The following VRK2 variants were observed in gnomAD, a reference collection of about 807,000 sequenced individuals.
VRK2 encodes the protein VRK serine/threonine kinase 2, also known as serine/threonine-protein kinase VRK2.
Under a neutral mutation model 57.6 loss-of-function variants are expected in VRK2, and 60 were observed. That is an observed-to-expected ratio of 1.04 (90% confidence interval 0.85 to 1.29). VRK2 has a LOEUF of 1.29. Ranked by LOEUF, VRK2 falls within the 50% of genes most tolerant of loss-of-function variation. The pLI is 0.00. For missense variants in VRK2, 705 were observed against 588.1 expected, an observed-to-expected ratio of 1.20 and a Z score of -2.06; for synonymous variants, 231 against 199.2, an observed-to-expected ratio of 1.16 and a Z score of -1.35.
At chr2:58,083,436 C>G (rs1388111132) in intron 2 of VRK2, among the ~76,000 whole-genome samples, 1 of 151,650 alleles carries the variant, frequency 6.6e-6, no homozygotes, top group Non-Finnish European at 1.5e-5. Context: ...TAGGGTTATA[C>G]CATCTGAACA....
intron 1 of VRK2, among the ~76,000 whole-genome samples, chr2:58,013,813 C>A (rs1177432750): frequency 1.4e-5 from 2 of 143,702 alleles, no homozygotes; most frequent in African/African-American, 2.6e-5. Flanking sequence ...GAGCGGAGAT[C>A]GCGCCACAGC....
chr2:58,107,338 C>G (rs1674907553), intron 7 of VRK2, among the ~76,000 whole-genome samples: 1 of 152,032 alleles, frequency 6.6e-6, no homozygotes, highest in African/African-American at 2.4e-5. Context: ...CAATGCTGTT[C>G]ATACTGCAAA....
intron 7 of VRK2, among the ~76,000 whole-genome samples, chr2:58,097,292 C>T (rs1053095055): frequency 6.6e-6 from 1 of 151,706 alleles, no homozygotes; most frequent in Non-Finnish European, 1.5e-5. Flanking sequence ...TCTCTGTCTC[C>T]TTGTTCTCCT....
At chr2:57,967,324 G>A (rs1266297001) in intron 1 of VRK2, among the ~76,000 whole-genome samples, 6 of 151,836 alleles carry the variant, frequency 4.0e-5, no homozygotes, top group African/African-American at 1.5e-4. Flanking sequence ...GTATACCTAT[G>A]TAACAAACAT....
intron 10 of VRK2, among the ~76,000 whole-genome samples, chr2:58,137,189 G>T (rs1281961574): frequency 1.9e-5 from 1 of 51,832 alleles, no homozygotes; most frequent in Non-Finnish European, 3.1e-5. Flanking sequence ...TATCATATAT[G>T]ATACATATAT....
At chr2:57,915,088 A>G (rs1010749146) in intron 1 of VRK2, among the ~76,000 whole-genome samples, 2 of 152,172 alleles carry the variant, frequency 1.3e-5, no homozygotes, top group Non-Finnish European at 2.9e-5. Flanking sequence ...CCTAAAAAGG[A>G]CAAAATTAGA....
chr2:58,147,688 A>G (rs1470233358), intron 12 of VRK2, among the ~76,000 whole-genome samples: 1 of 151,762 alleles, frequency 6.6e-6, no homozygotes, highest in Non-Finnish European at 1.5e-5. Flanking sequence ...CCCCCAGGGA[A>G]TGTTCTGCCA....
In VRK2 at chr2:57,970,857, C is replaced by A. The variant is rs190136691; in HGVS notation, c.-438-54808C>A. ...AGATTACATTAAAACCAGTCTCAGA[C>A]ATTGTTACATTTTATCTTTAAATAT... On this transcript the variant is annotated intron_variant, in intron 1 of 15. Transcript: ENST00000417641. 1.6e-4 allele frequency among the ~76,000 whole-genome samples: 25 copies of A among 152,100 alleles called. No homozygotes were observed. The East Asian group carries it at 4.8e-3, about 29-fold the overall frequency.
intron 2 of VRK2, among the ~76,000 whole-genome samples, chr2:58,068,133 T>C (rs1355504823): frequency 6.6e-6 from 1 of 152,090 alleles, no homozygotes; most frequent in Non-Finnish European, 1.5e-5. Context: ...TTTCACCATG[T>C]TGCCCAGGCT....
intron 1 of VRK2, among the ~76,000 whole-genome samples, chr2:57,952,005 C>T (rs145097799): frequency 2.0e-5 from 3 of 150,806 alleles, no homozygotes; most frequent in East Asian, 1.9e-4. Flanking sequence ...GAGATCCTCC[C>T]GCCACAGCCT....
chr2:57,935,985 G>C (rs998905377), intron 1 of VRK2, among the ~76,000 whole-genome samples: 2 of 152,136 alleles, frequency 1.3e-5, no homozygotes, highest in African/African-American at 4.8e-5. Flanking sequence ...TTTTAGATGG[G>C]TCATTCTCAA....
At chr2:58,144,023 A>G (rs1044752827) in intron 11 of VRK2, among the ~76,000 whole-genome samples, 2 of 151,538 alleles carry the variant, frequency 1.3e-5, no homozygotes, top group African/African-American at 2.4e-5. Flanking sequence ...ACACATATAT[A>G]TATACATATA....
chr2:58,113,512 T>C (rs934885361), intron 7 of VRK2, among the ~76,000 whole-genome samples: 1 of 151,984 alleles, frequency 6.6e-6, no homozygotes, highest in Non-Finnish European at 1.5e-5. Context: ...TGGGTGCAGG[T>C]GGGCTGAGTC....
chr2:58,144,585 A>AT (rs1391144070), intron 11 of VRK2, among the ~76,000 whole-genome samples: 2 of 151,982 alleles, frequency 1.3e-5, no homozygotes, highest in African/African-American at 4.8e-5. Flanking sequence ...TTTCACAAGA[A>AT]TTGGTAAGCC....
chr2:57,975,112 T>C (rs569022947), intron 1 of VRK2, among the ~76,000 whole-genome samples: 3 of 152,112 alleles, frequency 2.0e-5, no homozygotes, highest in East Asian at 1.9e-4. Context: ...TTTTAGACCA[T>C]AGACAACCCT....
At chr2:57,994,661 T>G (rs1672871387) in intron 1 of VRK2, among the ~76,000 whole-genome samples, 1 of 152,154 alleles carries the variant, frequency 6.6e-6, no homozygotes, top group Non-Finnish European at 1.5e-5. Context: ...CAGGGCCCCC[T>G]TGGACTCATA....
intron 2 of VRK2, among the ~76,000 whole-genome samples, chr2:58,080,031 T>G (rs1406494886): frequency 6.6e-6 from 1 of 152,016 alleles, no homozygotes; most frequent in East Asian, 1.9e-4. Flanking sequence ...TCACCAAATA[T>G]TTAATACATG....
At chr2:58,041,009 G>A (rs914718948) in intron 3 of VRK2, 11 of 983,104 alleles carry the variant, frequency 1.1e-5, no homozygotes, top group Admixed American at 6.2e-5. Flanking sequence ...AAAATCATTC[G>A]GCCAGCTCCT....
intron 7 of VRK2, among the ~76,000 whole-genome samples, chr2:58,102,742 CA>C (rs1396056858): frequency 6.6e-6 from 1 of 151,342 alleles, no homozygotes; most frequent in African/African-American, 2.4e-5. Flanking sequence ...AACATTAGAT[CA>C]AAAGGATGAA....
Sources: allele counts gnomAD v4.1 joint callset (sites outside exome capture counted in the v4.1 genomes callset), GRCh38; gene constraint gnomAD v4.1.1; transcripts MANE v1.5; gene names NCBI Gene and HGNC (gene_info 2026-07-23, HGNC 2026-07-21).